The following COMMD10 variants were observed in gnomAD, a reference collection of about 807,000 sequenced individuals.
COMMD10 encodes COMM domain-containing protein 10.
Under a neutral mutation model 28.9 loss-of-function variants are expected in COMMD10, and 33 were observed. The observed-to-expected ratio is 1.14, with a 90% confidence interval of 0.87 to 1.53. The LOEUF (loss-of-function observed/expected upper bound fraction) is 1.53. Ranked by LOEUF, COMMD10 falls within the 40% of genes most tolerant of loss-of-function variation. COMMD10 has a pLI of 0.00. For missense variants in COMMD10, 310 were observed against 233.4 expected (o/e 1.33, Z -2.14); for synonymous variants, 110 against 81.7 (o/e 1.35, Z -1.87).
intron 4 of COMMD10, among the ~76,000 whole-genome samples, chr5:116,125,394 T>A (rs62383956): frequency 0.075 from 11,405 of 152,294 alleles, 503 homozygotes; most frequent in Admixed American, 0.13. Context: ...CTCTTCTGGC[T>A]TGTAGAGTTT....
At chr5:116,247,666 A>T (rs946425504) in intron 5 of COMMD10, among the ~76,000 whole-genome samples, 1 of 152,178 alleles carries the variant, frequency 6.6e-6, no homozygotes, top group East Asian at 1.9e-4. Context: ...TTGCAGGGAC[A>T]TGGATGGAGC....
At chr5:116,143,959 T>C (rs1028686493) in intron 5 of COMMD10, among the ~76,000 whole-genome samples, 19 of 151,850 alleles carry the variant, frequency 1.3e-4, no homozygotes, top group African/African-American at 4.3e-4. Context: ...TGGAAACCAA[T>C]AGCAAGGAAT....
At chr5:116,212,028 T>G (rs574373310) in intron 5 of COMMD10, among the ~76,000 whole-genome samples, 47 of 152,272 alleles carry the variant, frequency 3.1e-4, no homozygotes, top group African/African-American at 1.1e-3. Flanking sequence ...ATATGTAAAC[T>G]ACTTGCCATG....
chr5:116,218,248 C>T (rs1201444799), intron 5 of COMMD10: 1 of 747,712 alleles, frequency 1.3e-6, no homozygotes, highest in Admixed American at 1.7e-5. Flanking sequence ...CGTCCTTTAC[C>T]TTGGCTTTAT....
At chr5:116,146,213 T>G (rs899477477) in intron 5 of COMMD10, among the ~76,000 whole-genome samples, 4 of 151,836 alleles carry the variant, frequency 2.6e-5, no homozygotes, top group African/African-American at 9.7e-5. Flanking sequence ...ATATGAAGAT[T>G]TATTCTGTAT....
chr5:116,222,682 CTATT>C (rs1749293526), intron 5 of COMMD10, among the ~76,000 whole-genome samples: 1 of 151,962 alleles, frequency 6.6e-6, no homozygotes, highest in African/African-American at 2.4e-5. Context: ...AACATTTAGC[CTATT>C]TATTTATTTG....
intron 5 of COMMD10, among the ~76,000 whole-genome samples, chr5:116,246,472 GA>G (rs533014985): frequency 9.6e-4 from 134 of 139,634 alleles, no homozygotes; most frequent in Non-Finnish European, 1.4e-3. Flanking sequence ...GTAGAACTAG[GA>G]AAAAAAAAAA....
rs567462708 is a variant in COMMD10, at chr5:116,288,924, C to G, written c.511-2593C>G. The stretch of plus-strand genomic sequence containing the variant: ...TGTGAGACAGTCTCACTTTACCACC[C>G]AGGCTGGAGTGCAGTGGCATAATCT... On this transcript the variant is annotated intron_variant, in intron 5 of 6. Transcript: ENST00000274458. 1.4e-3 allele frequency among the ~76,000 whole-genome samples: 206 copies of G among 142,868 alleles called. 2 individuals are homozygous for G. Among genetic ancestry groups the G allele is most frequent in the Non-Finnish European group, 2.5e-3 (169 of 66,620 alleles). 93.7% of individuals were successfully genotyped at this position (142,868 alleles called of 152,430 possible). A position where few individuals can be genotyped will look rare whatever the true frequency, so the allele number is the denominator to read the frequency against.
At chr5:116,108,445 G>T (rs1293997183) in intron 4 of COMMD10, among the ~76,000 whole-genome samples, 2 of 150,446 alleles carry the variant, frequency 1.3e-5, no homozygotes, top group African/African-American at 5.0e-5. Flanking sequence ...TTGAGCTGCA[G>T]TGGGCTCTGC....
intron 1 of COMMD10, 65 bp from the exon 2 acceptor site, chr5:116,087,432 A>G (rs968291763): frequency 1.8e-5 from 17 of 939,958 alleles, no homozygotes; most frequent in African/African-American, 3.2e-5. Context: ...CTTATAGACA[A>G]CTATAGAAAG....
At chr5:116,147,456 T>C (rs1752387163) in intron 5 of COMMD10, among the ~76,000 whole-genome samples, 1 of 151,904 alleles carries the variant, frequency 6.6e-6, no homozygotes, top group Non-Finnish European at 1.5e-5. Flanking sequence ...CTAAGTATAA[T>C]CAATGAATAG....
At chr5:116,120,913 T>G (rs1751407996) in intron 4 of COMMD10, among the ~76,000 whole-genome samples, 1 of 152,152 alleles carries the variant, frequency 6.6e-6, no homozygotes, top group Admixed American at 6.6e-5. Context: ...ATATGTTTTG[T>G]ATGTTTTTGT....
At chr5:116,146,799 G>T (rs1752364609) in intron 5 of COMMD10, among the ~76,000 whole-genome samples, 1 of 151,788 alleles carries the variant, frequency 6.6e-6, no homozygotes, top group East Asian at 1.9e-4. Flanking sequence ...ATATTTCTCA[G>T]AAGAAATTAT....
intron 5 of COMMD10, among the ~76,000 whole-genome samples, chr5:116,230,832 A>G (rs1749511676): frequency 6.6e-6 from 1 of 152,000 alleles, no homozygotes; most frequent in South Asian, 2.1e-4. Flanking sequence ...GTCCAAATAC[A>G]TGATATATAG....
chr5:116,162,276 T>C (rs934380807), intron 5 of COMMD10, among the ~76,000 whole-genome samples: 2 of 152,178 alleles, frequency 1.3e-5, no homozygotes, highest in African/African-American at 4.8e-5. Context: ...TGGATTGGCA[T>C]GGTAATGACT....
chr5:116,262,590 G>GT (rs1750479064), intron 5 of COMMD10, among the ~76,000 whole-genome samples: 2 of 151,876 alleles, frequency 1.3e-5, no homozygotes, highest in South Asian at 2.1e-4. Flanking sequence ...GTTTAAATGT[G>GT]TAAGTCTACT....
At chr5:116,284,096 C>A (rs1400055892) in intron 5 of COMMD10, among the ~76,000 whole-genome samples, 4 of 151,860 alleles carry the variant, frequency 2.6e-5, no homozygotes, top group Non-Finnish European at 5.9e-5. Flanking sequence ...TATACCATTG[C>A]ACTCCAGCCT....
At chr5:116,271,710 A>T (rs549681135) in intron 5 of COMMD10, among the ~76,000 whole-genome samples, 1 of 152,032 alleles carries the variant, frequency 6.6e-6, no homozygotes, top group South Asian at 2.1e-4. Context: ...TTTGCAGCAT[A>T]GTCCTTGGCT....
intron 5 of COMMD10, among the ~76,000 whole-genome samples, chr5:116,280,148 T>A (rs893519498): frequency 6.6e-6 from 1 of 151,938 alleles, no homozygotes. Context: ...AGGATACTGC[T>A]GAAGTGTTTT....
Sources: allele counts gnomAD v4.1 joint callset (sites outside exome capture counted in the v4.1 genomes callset), GRCh38; gene constraint gnomAD v4.1.1; transcripts MANE v1.5; gene names NCBI Gene and HGNC (gene_info 2026-07-23, HGNC 2026-07-21).